PUDP: variants seen among roughly 807,000 people sequenced by gnomAD.
PUDP encodes pseudouridine 5'-phosphatase, also known as pseudouridine-5'-phosphatase.
In PUDP, 8 loss-of-function variants were observed where a neutral mutation model predicts 9.4. The observed-to-expected ratio is 0.85, with a 90% CI of 0.50 to 1.53. The LOEUF (loss-of-function observed/expected upper bound fraction) is 1.53, where lower values mean the gene tolerates loss of function less well. Ranked by LOEUF, PUDP falls within the 40% of genes most tolerant of loss-of-function variation. The probability of loss-of-function intolerance (pLI) is 0.00; values close to 1 mark genes in which losing one functional copy is unlikely to be tolerated. For synonymous variants in PUDP, 99 were observed against 80.7 expected (o/e 1.23, Z -1.22); for missense variants, 188 against 189.7 (o/e 0.99, Z 0.05).
At chrX:6,855,613 T>G (rs1032334733) in intron 3 of PUDP, among the ~76,000 whole-genome samples, 2 of 112,104 alleles carry the variant, frequency 1.8e-5, no homozygotes, top group Non-Finnish European at 3.8e-5. Context: ...CACAACACTT[T>G]TGACCAGCAT....
intron 3 of PUDP, among the ~76,000 whole-genome samples, chrX:6,829,425 T>TA (rs980661060): frequency 8.9e-6 from 1 of 111,889 alleles, no homozygotes; most frequent in Non-Finnish European, 1.9e-5. Flanking sequence ...TATTTATTTT[T>TA]AAAAGAGTAT....
intron 1 of PUDP, among the ~76,000 whole-genome samples, chrX:7,126,307 C>A (rs1274861212): frequency 9.0e-6 from 1 of 110,956 alleles, no homozygotes; most frequent in Non-Finnish European, 1.9e-5. Context: ...CTCTGGTGAT[C>A]CTCTAACTGA....
At chrX:6,940,724 C>T (rs982047098) in intron 3 of PUDP, among the ~76,000 whole-genome samples, 13 of 111,199 alleles carry the variant, frequency 1.2e-4, no homozygotes, top group Non-Finnish European at 2.1e-4. Flanking sequence ...TCCCTGCCCT[C>T]CTAAGGACCA....
intron 1 of PUDP, among the ~76,000 whole-genome samples, chrX:6,717,310 A>T (rs1259333853): frequency 9.0e-6 from 1 of 110,974 alleles, no homozygotes; most frequent in Non-Finnish European, 1.9e-5. Context: ...ATGCACAGAG[A>T]GCTGTAAGTG....
intron 3 of PUDP, among the ~76,000 whole-genome samples, chrX:7,052,663 A>G (rs1369462202): frequency 2.7e-5 from 3 of 112,202 alleles, no homozygotes; most frequent in Non-Finnish European, 5.6e-5. Flanking sequence ...ACCCTGGATT[A>G]AGTGAGTTAA....
chrX:6,929,848 T>C (rs761942535), intron 3 of PUDP, among the ~76,000 whole-genome samples: 1 of 111,953 alleles, frequency 8.9e-6, no homozygotes, highest in South Asian at 3.8e-4. Flanking sequence ...CTAGAAACTC[T>C]ATGACTCTTA....
chrX:6,842,235 A>G (rs750462516), intron 3 of PUDP, among the ~76,000 whole-genome samples: 1 of 112,422 alleles, frequency 8.9e-6, no homozygotes, highest in Admixed American at 9.4e-5. Context: ...ACTATTATGA[A>G]AAACGTAACA....
At chrX:6,870,454 C>T (rs765541562) in intron 3 of PUDP, among the ~76,000 whole-genome samples, 1 of 111,713 alleles carries the variant, frequency 9.0e-6, no homozygotes, top group African/African-American at 3.3e-5. Flanking sequence ...TTCCCCAGTA[C>T]AAGCTCTCTT....
intron 3 of PUDP, among the ~76,000 whole-genome samples, chrX:6,860,468 GT>G (rs1462065871): frequency 1.0e-5 from 1 of 100,430 alleles, no homozygotes; most frequent in African/African-American, 3.6e-5. Flanking sequence ...GTGGTTTTTT[GT>G]TTTTTGTTTT....
At chrX:6,843,786 G>A (rs1303237401) in intron 3 of PUDP, among the ~76,000 whole-genome samples, 3 of 112,379 alleles carry the variant, frequency 2.7e-5, no homozygotes, top group Non-Finnish European at 3.8e-5. Context: ...CTAACCATCA[G>A]TGCAGTCTTC....
Position 6,903,253 on chromosome X carries a change from T to A in PUDP, c.*247+73880A>T, listed in dbSNP as rs762438161. Among the ~76,000 whole-genome samples the A allele has an allele frequency of 7.1e-5, 8 of 112,172 alleles. No homozygotes were observed. The East Asian group carries it at 1.7e-3, about 23-fold the overall frequency. On this transcript the variant is annotated intron_variant and NMD_transcript_variant, in intron 3 of 3. Coordinates refer to the PUDP transcript ENST00000655425. ...AGGTATCCTCTTCAGGAATCCTATATAAGAAACTTTCAAATCACCTTTCAC... is the reference window on the plus strand; with the variant it reads ...AGGTATCCTCTTCAGGAATCCTATAAAAGAAACTTTCAAATCACCTTTCAC...
chrX:6,981,976 GAC>G (rs749042919), intron 1 of PUDP, among the ~76,000 whole-genome samples: 11 of 98,353 alleles, frequency 1.1e-4, no homozygotes, highest in Non-Finnish European at 1.7e-4. Flanking sequence ...AGGACTTACA[GAC>G]ACACACACAC....
intron 3 of PUDP, among the ~76,000 whole-genome samples, chrX:6,865,783 T>C (rs760578464): frequency 9.0e-6 from 1 of 111,010 alleles, no homozygotes; most frequent in African/African-American, 3.3e-5. Flanking sequence ...CTGAGCTGAT[T>C]AAGCTAAAAA....
chrX:6,758,202 C>T (rs1461401081), intron 3 of PUDP, among the ~76,000 whole-genome samples: 1 of 112,083 alleles, frequency 8.9e-6, no homozygotes, highest in African/African-American at 3.2e-5. Context: ...TGGCTCATTC[C>T]TGTAATCACA....
intron 3 of PUDP, among the ~76,000 whole-genome samples, chrX:6,836,509 C>T (rs1178555496): frequency 8.9e-6 from 1 of 112,048 alleles, no homozygotes; most frequent in Non-Finnish European, 1.9e-5. Flanking sequence ...GAGCAGAGAA[C>T]ACAACAATGT....
intron 3 of PUDP, among the ~76,000 whole-genome samples, chrX:6,864,078 C>G (rs1048391657): frequency 9.0e-6 from 1 of 111,202 alleles, no homozygotes; most frequent in African/African-American, 3.3e-5. Flanking sequence ...TTGGGTCATT[C>G]AAGACCAGCT....
chrX:7,114,349 G>A (rs939168121), intron 1 of PUDP, among the ~76,000 whole-genome samples: 10 of 111,273 alleles, frequency 9.0e-5, no homozygotes, highest in Non-Finnish European at 1.7e-4. Context: ...CCAAAGTCCT[G>A]GGATTACAGG....
chrX:6,885,153 GT>G (rs1927403715), intron 3 of PUDP, among the ~76,000 whole-genome samples: 1 of 111,905 alleles, frequency 8.9e-6, no homozygotes, highest in South Asian at 3.8e-4. Context: ...TTTTAAAGCA[GT>G]GGAAAGAAAC....
chrX:7,094,431 AC>A (rs1931512818), intron 2 of PUDP, among the ~76,000 whole-genome samples: 1 of 100,258 alleles, frequency 1.0e-5, no homozygotes, highest in Admixed American at 1.2e-4. Context: ...ATCTTGGCTC[AC>A]TGCAAGCTCC....
Sources: gnomAD v4.1 joint callset for allele counts (sites outside exome capture counted in the v4.1 genomes callset) on GRCh38, gnomAD v4.1.1 for gene constraint, MANE v1.5 for transcripts, NCBI Gene and HGNC (gene_info 2026-07-23, HGNC 2026-07-21) for gene names.